Variants in NUDT9 observed in about 807,000 individuals in gnomAD.
NUDT9 encodes ADP-ribose pyrophosphatase.
A neutral mutation model predicts 41.0 loss-of-function variants in NUDT9; 31 were observed. That is an observed-to-expected ratio of 0.76 (90% CI 0.57 to 1.02). NUDT9 has a LOEUF of 1.02. Ranked by LOEUF, NUDT9 falls within the 50% of genes least tolerant of loss-of-function variation. The pLI is 0.00. For missense variants in NUDT9, 380 were observed against 431.4 expected (o/e 0.88, Z 1.06); for synonymous variants, 146 against 147.6 (o/e 0.99, Z 0.08).
chr4:87,431,546 G>A (rs1721689352), intron 1 of NUDT9, among the ~76,000 whole-genome samples: 1 of 152,120 alleles, frequency 6.6e-6, no homozygotes, highest in Non-Finnish European at 1.5e-5. Context: ...ATGAACATAG[G>A]ATGTCTTTTT....
intron 1 of NUDT9, among the ~76,000 whole-genome samples, chr4:87,424,628 A>G (rs1721324681): frequency 6.6e-6 from 1 of 151,614 alleles, no homozygotes; most frequent in African/African-American, 2.4e-5. Context: ...ACAACTTTTC[A>G]TTTTCCTGAA....
chr4:87,437,441 C>T (rs913785098), intron 2 of NUDT9, among the ~76,000 whole-genome samples: 4 of 151,848 alleles, frequency 2.6e-5, no homozygotes, highest in African/African-American at 4.8e-5. Context: ...CCTGGGTTCA[C>T]GCCATTCTCC....
intron 5 of NUDT9, 25 bp from the exon 6 acceptor site, chr4:87,451,564 T>C: frequency 6.3e-7 from 1 of 1,595,468 alleles, no homozygotes; most frequent in Non-Finnish European, 8.5e-7. Flanking sequence ...ATCCCTTTTT[T>C]CAAAATTTTT....
intron 6 of NUDT9, 146 bp from the exon 7 acceptor site, chr4:87,454,225 G>A: frequency 1.9e-6 from 1 of 517,068 alleles, no homozygotes; most frequent in Non-Finnish European, 3.5e-6. Flanking sequence ...CATCTAAACT[G>A]TTGAAGGTAC....
intron 4 of NUDT9, among the ~76,000 whole-genome samples, chr4:87,445,891 A>G (rs1306789901): frequency 1.3e-5 from 2 of 150,710 alleles, no homozygotes; most frequent in Non-Finnish European, 2.9e-5. Flanking sequence ...CAAGCTGCTG[A>G]TCATCTCTCT....
At chr4:87,446,100 C>T (rs796234288) in intron 4 of NUDT9, among the ~76,000 whole-genome samples, 112 of 152,214 alleles carry the variant, frequency 7.4e-4, no homozygotes, top group African/African-American at 2.5e-3. Context: ...TTCTGTTTCT[C>T]ATCCTTGTTT....
intron 3 of NUDT9, among the ~76,000 whole-genome samples, chr4:87,439,570 C>T (rs915799406): frequency 1.3e-5 from 2 of 151,546 alleles, no homozygotes; most frequent in African/African-American, 2.4e-5. Context: ...GCAGGAGAAT[C>T]GCTTGAACCC....
In NUDT9 at chr4:87,422,987, C is replaced by T; in HGVS notation, c.82C>T (p.Arg28Cys). 3.7e-6 allele frequency: 6 copies of T among 1,613,062 alleles called. No homozygotes were observed. Among genetic ancestry groups the T allele is most frequent in the Non-Finnish European group, 5.1e-6 (6 of 1,179,642 alleles). ...GGCCTCTGTGACTATCAGGTCCTCG[C>T]GCTGCCGCGGCATCCAGGCGTTCAG... ...ALASVTIRSS[R>C]CRGIQAFRNS... The change falls in exon 1 of 8, where the codon CGC (arginine) becomes TGC (cysteine). Residue 28 changes from arginine to cysteine, a missense_variant. Arg to Cys is a radical substitution (Grantham distance 180). Coordinates refer to ENST00000302174, the MANE Select transcript of NUDT9 (RefSeq NM_024047.5).
intron 6 of NUDT9, among the ~76,000 whole-genome samples, chr4:87,452,126 T>C (rs1428797708): frequency 1.3e-5 from 2 of 151,674 alleles, no homozygotes; most frequent in African/African-American, 4.8e-5. Flanking sequence ...CCTCAGCCTC[T>C]GGAGTAGCTG....
At chr4:87,425,711 T>TG (rs1454407912) in intron 1 of NUDT9, among the ~76,000 whole-genome samples, 2 of 101,074 alleles carry the variant, frequency 2.0e-5, no homozygotes, top group African/African-American at 6.1e-5. Context: ...CCTGTCTCTT[T>TG]GAAAAAAAAA....
intron 3 of NUDT9, among the ~76,000 whole-genome samples, chr4:87,438,894 C>G (rs1578071898): frequency 1.3e-5 from 2 of 152,310 alleles, no homozygotes; most frequent in Middle Eastern, 3.4e-3. Context: ...TGGCCGGGCG[C>G]AGTGGCTCAC....
At chr4:87,439,548 C>T (rs534511513) in intron 3 of NUDT9, among the ~76,000 whole-genome samples, 7 of 152,008 alleles carry the variant, frequency 4.6e-5, no homozygotes, top group African/African-American at 1.7e-4. Flanking sequence ...TCCAGCTACT[C>T]GGGAGGCTGA....
chr4:87,448,849 T>G (rs1722586418), intron 4 of NUDT9, among the ~76,000 whole-genome samples: 1 of 152,224 alleles, frequency 6.6e-6, no homozygotes, highest in African/African-American at 2.4e-5. Context: ...TCTATTCTGC[T>G]ACTTCTTTTT....
chr4:87,440,380 A>G (rs1722150638), intron 3 of NUDT9, among the ~76,000 whole-genome samples: 1 of 152,160 alleles, frequency 6.6e-6, no homozygotes, highest in Non-Finnish European at 1.5e-5. Context: ...TTTTTGGCTT[A>G]TTACTCTCTC....
At chr4:87,432,554 T>C (rs1415327976) in intron 1 of NUDT9, among the ~76,000 whole-genome samples, 1 of 152,192 alleles carries the variant, frequency 6.6e-6, no homozygotes, top group Non-Finnish European at 1.5e-5. Context: ...TCCAGTATTA[T>C]ATTGATTAAA....
Position 87,459,116 on chromosome 4 carries a change from A to G in NUDT9, c.*1095A>G, listed in dbSNP as rs1178801301. ...CCATGGAATACTATGCAGCCGTAAA[A>G]AAGAATAAGATCATGTCCTCTGAAA... On this transcript the variant is annotated 3_prime_UTR_variant, in exon 8 of 8. Coordinates refer to ENST00000302174, the MANE Select transcript of NUDT9 (RefSeq NM_024047.5). 1 of 152,244 alleles carries G rather than the reference A, an allele frequency of 6.6e-6. No individual in the cohort carries two copies. The highest frequency in any genetic ancestry group is 1.5e-5 in the Non-Finnish European group (1 of 68,040). 9.4% of individuals were successfully genotyped at this position (152,244 alleles called of 1,614,324 possible).
chr4:87,425,391 CTT>C (rs70957241), intron 1 of NUDT9, among the ~76,000 whole-genome samples: 33,296 of 115,682 alleles, frequency 0.29, 4,191 homozygotes, highest in Non-Finnish European at 0.35. Flanking sequence ...TGTTCTTTTC[CTT>C]TTTTTTTTTT....
chr4:87,452,909 T>A (rs1296813410), intron 6 of NUDT9, among the ~76,000 whole-genome samples: 1 of 150,842 alleles, frequency 6.6e-6, no homozygotes, highest in Non-Finnish European at 1.5e-5. Flanking sequence ...CCTCCCAGGT[T>A]CAAGTGATTC....
chr4:87,436,025 T>A (rs1269406015), intron 2 of NUDT9, among the ~76,000 whole-genome samples: 1 of 151,986 alleles, frequency 6.6e-6, no homozygotes, highest in Non-Finnish European at 1.5e-5. Flanking sequence ...GTGCTCTCTC[T>A]CTCTGTCACC....
Sources: gnomAD v4.1 joint callset for allele counts (sites outside exome capture counted in the v4.1 genomes callset) on GRCh38, gnomAD v4.1.1 for gene constraint, MANE v1.5 for transcripts, NCBI Gene and HGNC (gene_info 2026-07-23, HGNC 2026-07-21) for gene names.